MGAT5B: variants seen among roughly 807,000 people sequenced by gnomAD.
MGAT5B encodes N-acetylglucosaminyl-transferase Vb.
MGAT5B carries 54 observed loss-of-function variants against 95.1 expected under a neutral mutation model. That is an observed-to-expected ratio of 0.57 (90% CI 0.46 to 0.71). MGAT5B has a LOEUF of 0.71. Ranked by LOEUF, MGAT5B falls within the 30% of genes least tolerant of loss-of-function variation. The probability of loss-of-function intolerance (pLI) is 0.00; values close to 1 mark genes in which losing one functional copy is unlikely to be tolerated. For synonymous variants in MGAT5B, 464 were observed against 451.0 expected, an observed-to-expected ratio of 1.03 and a Z score of -0.36; for missense variants, 935 against 1,088.6, an observed-to-expected ratio of 0.86 and a Z score of 1.99.
At chr17:76,893,822 G>C (rs1035690106) in intron 3 of MGAT5B, among the ~76,000 whole-genome samples, 1 of 152,176 alleles carries the variant, frequency 6.6e-6, no homozygotes, top group African/African-American at 2.4e-5. Flanking sequence ...TTTCTAGACT[G>C]GGGGCGGGGG....
At chr17:76,873,202 G>T (rs1455657095) in intron 2 of MGAT5B, among the ~76,000 whole-genome samples, 1 of 152,256 alleles carries the variant, frequency 6.6e-6, no homozygotes, top group Non-Finnish European at 1.5e-5. Context: ...TTAAGCCAGG[G>T]TCTTCCAGGC....
intron 15 of MGAT5B, among the ~76,000 whole-genome samples, chr17:76,942,256 A>G (rs11870187): frequency 0.34 from 51,137 of 152,086 alleles, 8,808 homozygotes; most frequent in East Asian, 0.41. Flanking sequence ...GGCCAGGAGC[A>G]GGGGCTCACA....
rs1044933261 is a variant in MGAT5B, at chr17:76,916,059, C to T, written c.1026-8907C>T. ...GGTCACGTTGAGTGCCGCCAAATGT[C>T]GTGGGCCTCTGCTGCTGGGGCCTGG... On this transcript the variant is annotated intron_variant, in intron 8 of 17. Coordinates refer to ENST00000569840, the MANE Select transcript of MGAT5B (RefSeq NM_001199172.2). This position sits in a 1 kb window ranked among gnomAD's most constrained non-coding sequence, Gnocchi z 5.3. Among the ~76,000 whole-genome samples, 106 of 152,322 alleles carry T rather than the reference C, an allele frequency of 7.0e-4. No homozygotes were observed. The highest frequency in any genetic ancestry group is 6.8e-3 in the Middle Eastern group (2 of 294).
At position 76,877,869 on chromosome 17, in the gene MGAT5B, G is replaced by A. The variant is rs564100605; in HGVS notation, c.182-4282G>A. ...GAGGATGAGAGAGACAGAGAGAGAC[G>A]AAGAGCGTCTGGGGAGGAGACGGGG... is the stretch of plus-strand genomic sequence containing the variant. On this transcript the variant is annotated intron_variant, in intron 2 of 17. Coordinates refer to ENST00000569840, the MANE Select transcript of MGAT5B (RefSeq NM_001199172.2). 5.3e-5 allele frequency among the ~76,000 whole-genome samples: 8 copies of A among 152,156 alleles called. No homozygotes were observed. The South Asian group carries it at 6.2e-4, about 12-fold the overall frequency.
chr17:76,948,479 T>A (rs2145295807), intron 17 of MGAT5B, among the ~76,000 whole-genome samples, 161 bp from the exon 18 acceptor site: 1 of 152,202 alleles, frequency 6.6e-6, no homozygotes, highest in Non-Finnish European at 1.5e-5. Context: ...GGACAGCAGG[T>A]GGGATAAAGG....
At chr17:76,936,501 T>C (rs1969678073) in intron 12 of MGAT5B, among the ~76,000 whole-genome samples, 1 of 152,198 alleles carries the variant, frequency 6.6e-6, no homozygotes, top group Admixed American at 6.5e-5. Context: ...GCTTTTGGTG[T>C]TGTATTTAAG....
intron 4 of MGAT5B, among the ~76,000 whole-genome samples, chr17:76,902,948 C>G (rs376894919): frequency 2.0e-5 from 3 of 152,088 alleles, no homozygotes; most frequent in Non-Finnish European, 4.4e-5. Flanking sequence ...AAGGGTCCCT[C>G]GGCGGCCCCT....
At chr17:76,929,160 C>A (rs1038292856) in intron 10 of MGAT5B, among the ~76,000 whole-genome samples, 14 of 152,144 alleles carry the variant, frequency 9.2e-5, no homozygotes, top group Non-Finnish European at 2.9e-5. Context: ...GCCACTGTGC[C>A]CAGCCAGGGC....
chr17:76,937,003 T>A (rs981378247), intron 12 of MGAT5B, among the ~76,000 whole-genome samples: 3 of 123,920 alleles, frequency 2.4e-5, no homozygotes, highest in Non-Finnish European at 5.1e-5. Flanking sequence ...GGGATTTCAA[T>A]GTTTTTTTTT....
At chr17:76,904,566 C>T in intron 6 of MGAT5B, 144 bp downstream of exon 6, 1 of 951,866 alleles carries the variant, frequency 1.1e-6, no homozygotes, top group Non-Finnish European at 1.5e-6. Flanking sequence ...CCCTACCGGG[C>T]AGACGGGAGG....
In MGAT5B at chr17:76,916,578, C is replaced by A. The variant is rs981593073; in HGVS notation, c.1026-8388C>A. On this transcript the variant is annotated intron_variant, in intron 8 of 17. Transcript: ENST00000569840. The surrounding 1 kb of genome is among the most constrained non-coding windows in gnomAD (Gnocchi z 5.3). ...TGGGAGGCTGGGATTACAGGCAGAT[C>A]CCTTGAGTCTAGGAGTTCAAGACCA... Among the ~76,000 whole-genome samples, 6 of 152,172 alleles carry A rather than the reference C, an allele frequency of 3.9e-5. No homozygotes were observed. The highest frequency in any genetic ancestry group is 1.2e-4 in the African/African-American group (5 of 41,434).
intron 10 of MGAT5B, among the ~76,000 whole-genome samples, chr17:76,928,953 C>T (rs1227800125): frequency 6.6e-6 from 1 of 151,834 alleles, no homozygotes; most frequent in Non-Finnish European, 1.5e-5. Flanking sequence ...GCAACCTCCA[C>T]CTCCCGGGTT....
chr17:76,948,971 G>GAA lies in MGAT5B; in HGVS notation c.*133_*134insAA. On this transcript the variant is annotated 3_prime_UTR_variant, in exon 18 of 18. Transcript: ENST00000569840. ...CAGGCCGGAGCTTCCTTCCTTAGCC[G>GAA]GGAAGCTGGCAGAGGAGAGCCGTGC... is the stretch of plus-strand genomic sequence containing the variant. 9.3e-7 allele frequency: 1 copy of GAA among 1,079,164 alleles called. No individual in the cohort carries two copies. The highest frequency in any genetic ancestry group is 1.3e-6 in the Non-Finnish European group (1 of 769,412). The allele number at this position is 1,079,164 out of a possible 1,614,324, so 66.8% of individuals were successfully genotyped here. A position where few individuals can be genotyped will look rare whatever the true frequency, so the allele number is the denominator to read the frequency against.
intron 15 of MGAT5B, among the ~76,000 whole-genome samples, chr17:76,943,688 G>A (rs1418994863): frequency 1.3e-5 from 2 of 151,778 alleles, no homozygotes; most frequent in African/African-American, 2.4e-5. Flanking sequence ...CAATCCTCCC[G>A]CCTCGGCCTC....
At chr17:76,871,433 C>G (rs1257692427) in intron 1 of MGAT5B, among the ~76,000 whole-genome samples, 1 of 152,238 alleles carries the variant, frequency 6.6e-6, no homozygotes, top group East Asian at 1.9e-4. Context: ...CGAGTCTCTC[C>G]TTGGAGCTCC....
intron 3 of MGAT5B, among the ~76,000 whole-genome samples, chr17:76,895,366 T>G (rs1968028717): frequency 2.0e-5 from 3 of 152,084 alleles, no homozygotes; most frequent in South Asian, 4.1e-4. Flanking sequence ...GTAATATACT[T>G]GAATCATCCT....
rs34612127 is a variant in MGAT5B, at chr17:76,877,329, TA to T, written c.181+4388del. On this transcript the variant is annotated intron_variant, in intron 2 of 17. Transcript: ENST00000569840. ...GACAGAGCAAGACTCTGTCTCGGCT[TA>T]AAAAAAAAAAAAAAAAAAAAAGTAG... is the stretch of plus-strand genomic sequence containing the variant. Among the ~76,000 whole-genome samples, 686 of 111,200 alleles carry T rather than the reference TA, an allele frequency of 6.2e-3. 8 individuals are homozygous for T. Among genetic ancestry groups the T allele is most frequent in the Middle Eastern group, 0.02 (4 of 202 alleles). 73.0% of individuals were successfully genotyped at this position (111,200 alleles called of 152,430 possible).
chr17:76,894,079 A>C (rs1967980919), intron 3 of MGAT5B, among the ~76,000 whole-genome samples: 1 of 152,212 alleles, frequency 6.6e-6, no homozygotes, highest in Non-Finnish European at 1.5e-5. Context: ...TCCTTTGCTG[A>C]GGACCAAGGC....
In MGAT5B at chr17:76,904,407, C is replaced by A. The variant is rs772211704; in HGVS notation, c.675C>A (p.Pro225=). ...CGGCTGCCCAGAGGGCACCCAAGCC[C>A]CTCCCCAAAGTCCAGGTGGGCCTGG... is the stretch of plus-strand genomic sequence containing the variant. ...NQTAAQRAPK[P]LPKVQAVFRS... Residue 225 remains proline, a synonymous_variant, in exon 6 of 18, where the codon CCC becomes CCA. Transcript: ENST00000569840. 24 of 1,560,154 alleles carry A rather than the reference C, an allele frequency of 1.5e-5. No homozygotes were observed. The highest frequency in any genetic ancestry group is 2.1e-5 in the Non-Finnish European group (24 of 1,152,460).
Sources: gnomAD v4.1 joint callset for allele counts (sites outside exome capture counted in the v4.1 genomes callset) on GRCh38, gnomAD v4.1.1 for gene constraint, Gnocchi (gnomAD v3.1) non-coding constraint, MANE v1.5 for transcripts, NCBI Gene and HGNC (gene_info 2026-07-23, HGNC 2026-07-21) for gene names.